POU1F1: variants seen among roughly 807,000 people sequenced by gnomAD.
The protein encoded by POU1F1 is pituitary-specific positive transcription factor 1.
A neutral mutation model predicts 32.3 loss-of-function variants in POU1F1; 23 were observed. That is an observed-to-expected ratio of 0.71 (90% CI 0.51 to 1.01). POU1F1 has a LOEUF of 1.01. Ranked by LOEUF, POU1F1 falls within the 50% of genes least tolerant of loss-of-function variation. POU1F1 has a pLI of 0.00. For missense variants in POU1F1, 323 were observed against 341.6 expected (o/e 0.95, Z 0.43); for synonymous variants, 120 against 115.6 (o/e 1.04, Z -0.25).
Position 87,262,067 on chromosome 3 carries a change from G to A in POU1F1, c.604+4C>T. ...GCACAGCCTTCAGAGACACAATTTA[G>A]TACCTCCTACTTGCTCAGCTTCCTC... On this transcript the variant is annotated splice_donor_region_variant and intron_variant, in intron 4 of 5. Transcript: ENST00000350375. The A allele has an allele frequency of 6.2e-7, 1 of 1,613,976 alleles. No individual in the cohort carries two copies. The highest frequency in any genetic ancestry group is 8.5e-7 in the Non-Finnish European group (1 of 1,179,938).
rs151170840 is a variant in POU1F1, at chr3:87,274,441, G to C, written c.143-1023C>G. 3.1e-3 allele frequency among the ~76,000 whole-genome samples: 463 copies of C among 151,552 alleles called. 4 individuals carry two copies. The highest frequency in any genetic ancestry group is 0.01 in the African/African-American group (430 of 41,440). ...GAATAAATGAGATATTATAAAGTAT[G>C]GTTAGAATCCTTTGAGAATACCAAT... is the stretch of plus-strand genomic sequence containing the variant. On this transcript the variant is annotated intron_variant, in intron 1 of 5. Transcript: ENST00000350375.
chr3:87,264,210 G>T, intron 3 of POU1F1, 78 bp downstream of exon 3: 2 of 1,130,706 alleles, frequency 1.8e-6, no homozygotes, highest in East Asian at 2.4e-5. Context: ...GTACTTTTTA[G>T]CAATATATAA....
At chr3:87,260,872 TTTTA>T (rs1017839437) in intron 5 of POU1F1, among the ~76,000 whole-genome samples, 990 of 9,354 alleles carry the variant, frequency 0.11, 14 homozygotes, top group African/African-American at 0.28. Context: ...ATTATTTTTT[TTTTA>T]TTTATTTATT....
At chr3:87,274,426 G>A (rs1268963339) in intron 1 of POU1F1, among the ~76,000 whole-genome samples, 1 of 151,534 alleles carries the variant, frequency 6.6e-6, no homozygotes, top group Non-Finnish European at 1.5e-5. Flanking sequence ...GAATAAATGA[G>A]ATATTATAAA....
chr3:87,275,397 C>A (rs1049464520), intron 1 of POU1F1, among the ~76,000 whole-genome samples: 2 of 151,996 alleles, frequency 1.3e-5, no homozygotes, highest in Non-Finnish European at 2.9e-5. Context: ...TTAAATCCTT[C>A]AAATCAGAAT....
intron 5 of POU1F1, 50 bp from the exon 6 acceptor site, chr3:87,260,154 T>A (rs780935729): frequency 6.8e-7 from 1 of 1,475,594 alleles, no homozygotes; most frequent in Non-Finnish European, 9.4e-7. Flanking sequence ...TTTAGTGAAG[T>A]TTTTGGCAGC....
chr3:87,273,337 C>T lies in POU1F1; in HGVS notation c.214+10G>A. 1 of 1,609,958 alleles carries T rather than the reference C, an allele frequency of 6.2e-7. No individual in the cohort carries two copies. Among genetic ancestry groups the T allele is most frequent in the Non-Finnish European group, 8.5e-7 (1 of 1,177,168 alleles). ...AAATTCAATAACATGTAAAAGACAACTTTTCTTACCTGCCATCACTCCATA... is the reference window on the plus strand; with the variant it reads ...AAATTCAATAACATGTAAAAGACAATTTTTCTTACCTGCCATCACTCCATA... On this transcript the variant is annotated intron_variant, in intron 2 of 5. Coordinates refer to ENST00000350375, the MANE Select transcript of POU1F1 (RefSeq NM_000306.4).
chr3:87,259,742 GTTTCT>G lies in POU1F1; in HGVS notation c.*147_*151del, dbSNP rs1309375356. 3 of 663,912 alleles carry G rather than the reference GTTTCT, an allele frequency of 4.5e-6. No homozygotes were observed. Among genetic ancestry groups the G allele is most frequent in the Non-Finnish European group, 7.6e-6 (3 of 393,492 alleles). 41.1% of individuals were successfully genotyped at this position (663,912 alleles called of 1,614,324 possible). On this transcript the variant is annotated 3_prime_UTR_variant, in exon 6 of 6. Transcript: ENST00000350375. ...AACATCAATATAATTTAAATTGTTG[GTTTCT>G]TTTTTTTAAAAAAAAGTGGAAAAGT...
At chr3:87,261,252 A>G in intron 5 of POU1F1, 21 bp downstream of exon 5, 1 of 1,509,380 alleles carries the variant, frequency 6.6e-7, no homozygotes, top group Non-Finnish European at 9.1e-7. Context: ...GTCCTCTAGT[A>G]ACTTTTAATA....
At chr3:87,270,128 G>T (rs1706698226) in intron 2 of POU1F1, among the ~76,000 whole-genome samples, 1 of 152,064 alleles carries the variant, frequency 6.6e-6, no homozygotes, top group South Asian at 2.1e-4. Flanking sequence ...GTACTGTAAG[G>T]TGTTGATTTG....
intron 4 of POU1F1, 137 bp downstream of exon 4, chr3:87,261,934 A>T: frequency 9.7e-7 from 1 of 1,032,138 alleles, no homozygotes; most frequent in Non-Finnish European, 1.5e-6. Flanking sequence ...GATATAACAA[A>T]ATGTTTATTT....
At chr3:87,274,349 TTTA>T (rs1456527688) in intron 1 of POU1F1, among the ~76,000 whole-genome samples, 3 of 152,186 alleles carry the variant, frequency 2.0e-5, no homozygotes, top group Non-Finnish European at 2.9e-5. Context: ...CCTTATATAT[TTTA>T]TTTTCTCAAT....
chr3:87,273,655 G>A (rs981573204), intron 1 of POU1F1, among the ~76,000 whole-genome samples: 3 of 152,290 alleles, frequency 2.0e-5, no homozygotes, highest in African/African-American at 7.2e-5. Context: ...TTTGTCTCAT[G>A]TAACGAGATA....
At chr3:87,273,253 T>G (rs1706759601) in intron 2 of POU1F1, 94 bp downstream of exon 2, 1 of 1,324,270 alleles carries the variant, frequency 7.6e-7, no homozygotes, top group African/African-American at 1.5e-5. Flanking sequence ...GAAATCAAAT[T>G]TCATGTCACA....
chr3:87,270,290 T>A (rs1035764256), intron 2 of POU1F1, among the ~76,000 whole-genome samples: 1 of 152,164 alleles, frequency 6.6e-6, no homozygotes, highest in Non-Finnish European at 1.5e-5. Flanking sequence ...AACGTAGATA[T>A]GAAGAGATTG....
rs1363909139 is a variant in POU1F1 at position 87,259,935 on chromosome 3, T to A, written c.835A>T (p.Ser279Cys). The A allele has an allele frequency of 5.6e-6, 9 of 1,613,996 alleles. No homozygotes were observed. The highest frequency in any genetic ancestry group is 4.0e-5 in the African/African-American group (3 of 74,918). The change falls in exon 6 of 6, where the codon AGT (serine) becomes TGT (cysteine). Residue 279 changes from serine to cysteine, a missense_variant. Ser to Cys is a moderately radical substitution (Grantham distance 112). Transcript: ENST00000350375. ...TGTTCCTTAGAAATAGAAAATAAACTCTGATTCAGACTTGTTTTCACCCGT... is the reference window on the plus strand; with the variant it reads ...TGTTCCTTAGAAATAGAAAATAAACACTGATTCAGACTTGTTTTCACCCGT... ...EKRVKTSLNQ[S>C]LFSISKEHLE...
rs759809037 is a variant in POU1F1 at position 87,276,455 on chromosome 3, C to T, written c.8G>A (p.Cys3Tyr). 4 of 1,613,542 alleles carry T rather than the reference C, an allele frequency of 2.5e-6. No homozygotes were observed. The highest frequency in any genetic ancestry group is 3.4e-6 in the Non-Finnish European group (4 of 1,179,778). MS[C>Y]QAFTSADTFI... ...GGTATCAGCCGAAGTAAAAGCTTGG[C>T]AACTCATTCCCACAAGAGAGTAGAA... The change falls in exon 1 of 6, where the codon TGC becomes TAC. Residue 3 changes from cysteine (C) to tyrosine (Y), a missense_variant. Coordinates refer to ENST00000350375, the MANE Select transcript of POU1F1 (RefSeq NM_000306.4).
At position 87,261,263 on chromosome 3, in the gene POU1F1, T is replaced by C; in HGVS notation, c.665+10A>G. 1.3e-6 allele frequency: 2 copies of C among 1,550,052 alleles called. No homozygotes were observed. The highest frequency in any genetic ancestry group is 1.8e-6 in the Non-Finnish European group (2 of 1,132,052). On this transcript the variant is annotated intron_variant, in intron 5 of 5. Coordinates refer to ENST00000350375, the MANE Select transcript of POU1F1 (RefSeq NM_000306.4). Reference sequence around the variant, plus strand: ...TTTTGTCCTCTAGTAACTTTTAATATAAAGAATACCTTATAGTTGTTCTTC... The same window carrying C: ...TTTTGTCCTCTAGTAACTTTTAATACAAAGAATACCTTATAGTTGTTCTTC...
chr3:87,273,582 A>C lies in POU1F1; in HGVS notation c.143-164T>G, dbSNP rs1474436590. 7 of 1,333,526 alleles carry C rather than the reference A, an allele frequency of 5.2e-6. No individual in the cohort carries two copies. In the East Asian group the frequency reaches 1.8e-4, roughly 34 times the overall value. 82.6% of individuals were successfully genotyped at this position (1,333,526 alleles called of 1,614,324 possible). ...ATGTGGTTCTTAAAGTTACATGCCAATATGTTTTTCTCATTTTGGGTAAGT... is the reference window on the plus strand; with the variant it reads ...ATGTGGTTCTTAAAGTTACATGCCACTATGTTTTTCTCATTTTGGGTAAGT... On this transcript the variant is annotated intron_variant, in intron 1 of 5. Coordinates refer to ENST00000350375, the MANE Select transcript of POU1F1 (RefSeq NM_000306.4).
Sources: allele counts gnomAD v4.1 joint callset (sites outside exome capture counted in the v4.1 genomes callset), GRCh38; gene constraint gnomAD v4.1.1; transcripts MANE v1.5; gene names NCBI Gene and HGNC (gene_info 2026-07-23, HGNC 2026-07-21).